TPST2: variants seen among roughly 807,000 people sequenced by gnomAD.
TPST2 encodes protein-tyrosine sulfotransferase 2.
In TPST2, 16 loss-of-function variants were observed where a neutral mutation model predicts 27.8. That is an observed-to-expected ratio of 0.58 (90% confidence interval 0.39 to 0.88). The LOEUF is 0.88. TPST2 is among the 40% of genes least tolerant of loss of function. TPST2 has a pLI of 0.00. For missense variants in TPST2, 464 were observed against 543.1 expected, an observed-to-expected ratio of 0.85 and a Z score of 1.45; for synonymous variants, 229 against 231.7, an observed-to-expected ratio of 0.99 and a Z score of 0.10.
chr22:26,573,366 A>G (rs2283841), intron 1 of TPST2, among the ~76,000 whole-genome samples: 89,846 of 152,094 alleles, frequency 0.59, 26,896 homozygotes, highest in East Asian at 0.78. Context: ...TCGGGGTGAC[A>G]GCTGGGGCCA....
chr22:26,551,659 G>T (rs1403493112), intron 1 of TPST2, among the ~76,000 whole-genome samples: 1 of 152,012 alleles, frequency 6.6e-6, no homozygotes, highest in Non-Finnish European at 1.5e-5. Flanking sequence ...ACTAGCCAGG[G>T]GTGGGGACTG....
At chr22:26,564,450 C>T (rs1927285703) in intron 1 of TPST2, among the ~76,000 whole-genome samples, 1 of 152,184 alleles carries the variant, frequency 6.6e-6, no homozygotes, top group Non-Finnish European at 1.5e-5. Context: ...AGCCTTGCCC[C>T]GTCATGAATA....
At chr22:26,583,441 A>C (rs1928200314) in intron 1 of TPST2, among the ~76,000 whole-genome samples, 2 of 150,760 alleles carry the variant, frequency 1.3e-5, no homozygotes, top group South Asian at 4.2e-4. Flanking sequence ...CATCTCAAAA[A>C]AAAAAAAAAA....
At chr22:26,550,777 G>T in intron 1 of TPST2, 1 of 510,294 alleles carries the variant, frequency 2.0e-6, no homozygotes, top group Non-Finnish European at 2.5e-6. Context: ...CTGGGGAGAC[G>T]CAGGTCTCTT....
chr22:26,552,734 A>G (rs931554036), intron 1 of TPST2, among the ~76,000 whole-genome samples: 1 of 152,166 alleles, frequency 6.6e-6, no homozygotes, highest in Non-Finnish European at 1.5e-5. Flanking sequence ...TCCCGTGGGC[A>G]TAGTTTGCCA....
At chr22:26,583,354 T>C (rs1362824905) in intron 1 of TPST2, among the ~76,000 whole-genome samples, 2 of 147,162 alleles carry the variant, frequency 1.4e-5, no homozygotes, top group African/African-American at 5.0e-5. Flanking sequence ...GGAGAATCAC[T>C]TGAACCGAGG....
intron 6 of TPST2, among the ~76,000 whole-genome samples, chr22:26,527,711 A>T (rs1453314505): frequency 6.6e-6 from 1 of 152,160 alleles, no homozygotes; most frequent in Non-Finnish European, 1.5e-5. Flanking sequence ...TGATCATGTC[A>T]TCCGCCTCCC....
At chr22:26,558,769 T>C (rs143242253) in intron 1 of TPST2, among the ~76,000 whole-genome samples, 1 of 152,178 alleles carries the variant, frequency 6.6e-6, no homozygotes, top group East Asian at 1.9e-4. Context: ...GCACAAAAAC[T>C]CAAGGGGGTG....
chr22:26,571,971 C>T (rs1003130860), intron 1 of TPST2, among the ~76,000 whole-genome samples: 2 of 152,164 alleles, frequency 1.3e-5, no homozygotes, highest in African/African-American at 4.8e-5. Context: ...GCATGTCACC[C>T]CCGCCTTCAC....
intron 1 of TPST2, among the ~76,000 whole-genome samples, chr22:26,573,366 A>C (rs2283841): frequency 2.0e-5 from 3 of 152,132 alleles, no homozygotes; most frequent in African/African-American, 7.2e-5. Flanking sequence ...TCGGGGTGAC[A>C]GCTGGGGCCA....
intron 1 of TPST2, among the ~76,000 whole-genome samples, chr22:26,563,391 T>G (rs896479850): frequency 6.7e-6 from 1 of 148,164 alleles, no homozygotes; most frequent in Non-Finnish European, 1.5e-5. Flanking sequence ...TGCAGTGGCG[T>G]GATCTCAGCT....
rs568213816 is a variant in TPST2 at position 26,540,845 on chromosome 22, G to A, written c.786C>T (p.Asp262=). Residue 262 remains aspartate, a synonymous_variant, in exon 3 of 7, where the codon GAC becomes GAT. Coordinates refer to ENST00000338754, the MANE Select transcript of TPST2 (RefSeq NM_003595.5). The part of the protein sequence containing the change: ...ILDFLGIAWS[D]AVLHHEDLIG... The stretch of plus-strand genomic sequence containing the variant: ...TGAGGTCTTCATGGTGGAGGACAGC[G>A]TCGCTCCAGGCGATGCCGAGGAAGT... 3.3e-5 allele frequency: 54 copies of A among 1,613,642 alleles called. No homozygotes were observed. The highest frequency in any genetic ancestry group is 3.1e-4 in the East Asian group (14 of 44,874).
chr22:26,528,551 T>A (rs538531241), intron 5 of TPST2, among the ~76,000 whole-genome samples: 2 of 152,308 alleles, frequency 1.3e-5, no homozygotes, highest in Admixed American at 1.3e-4. Context: ...GTGATCAGTA[T>A]CTGTGCTACT....
intron 1 of TPST2, among the ~76,000 whole-genome samples, chr22:26,549,419 G>A (rs1926322037): frequency 1.3e-5 from 2 of 152,164 alleles, no homozygotes; most frequent in Non-Finnish European, 1.5e-5. Flanking sequence ...GGCACTTTGT[G>A]AGGCCAAGGT....
chr22:26,589,205 G>T (rs1218779750), intron 1 of TPST2, among the ~76,000 whole-genome samples: 3 of 152,152 alleles, frequency 2.0e-5, no homozygotes. Context: ...CTGTAAAAGG[G>T]GAAGGGGGCA....
At chr22:26,545,493 C>T (rs945542986) in intron 1 of TPST2, among the ~76,000 whole-genome samples, 4 of 152,230 alleles carry the variant, frequency 2.6e-5, no homozygotes, top group Non-Finnish European at 5.9e-5. Context: ...TCTCCCAGTG[C>T]TGTGTCCTTA....
chr22:26,579,786 GAC>G (rs1928019838), intron 1 of TPST2, among the ~76,000 whole-genome samples: 1 of 152,090 alleles, frequency 6.6e-6, no homozygotes, highest in Non-Finnish European at 1.5e-5. Context: ...GAAAAAAACA[GAC>G]AGAGGCAGAG....
Position 26,540,791 on chromosome 22 carries a change from G to C in TPST2, c.840C>G (p.Ser280=), listed in dbSNP as rs191927927. The part of the protein sequence containing the change: ...LIGKPGGVSL[S]KIERSTDQVI... ...GAAGCATCAGGGGCTCCACTCACTT[G>C]GACAGGGAGACACCACCGGGCTTGC... Residue 280 remains serine (S), a splice_region_variant and synonymous_variant, in exon 3 of 7, where the codon TCC becomes TCG. Coordinates refer to ENST00000338754, the MANE Select transcript of TPST2 (RefSeq NM_003595.5). 46 of 1,580,584 alleles carry C rather than the reference G, an allele frequency of 2.9e-5. No homozygotes were observed. In the African/African-American group the frequency reaches 4.0e-4, roughly 14 times the overall value.
At chr22:26,530,242 G>A (rs564716514) in intron 5 of TPST2, among the ~76,000 whole-genome samples, 6 of 152,152 alleles carry the variant, frequency 3.9e-5, no homozygotes, top group African/African-American at 9.6e-5. Context: ...CAACTCCTGC[G>A]TGTTGCCTTT....
Sources: gnomAD v4.1 joint callset for allele counts (sites outside exome capture counted in the v4.1 genomes callset) on GRCh38, gnomAD v4.1.1 for gene constraint, MANE v1.5 for transcripts, NCBI Gene and HGNC (gene_info 2026-07-23, HGNC 2026-07-21) for gene names.